The following TOMM20L variants were observed in gnomAD, a reference collection of about 807,000 sequenced individuals.
TOMM20L encodes translocase of outer mitochondrial membrane 20 like, also known as TOMM20-like protein 1.
In TOMM20L, 19 loss-of-function variants were observed where a neutral mutation model predicts 20.4. That is an observed-to-expected ratio of 0.93 (90% CI 0.65 to 1.36). TOMM20L has a LOEUF of 1.36. Among genes scored for constraint, TOMM20L ranks in the 40% most tolerant of loss-of-function variants. The pLI, the probability that TOMM20L is intolerant of heterozygous loss-of-function variation, is 0.00. For synonymous variants in TOMM20L, 75 were observed against 79.6 expected (o/e 0.94, Z 0.30); for missense variants, 218 against 203.7 (o/e 1.07, Z -0.43).
chr14:58,398,867 A>G (rs2035957439), intron 2 of TOMM20L: 1 of 151,990 alleles, frequency 6.6e-6, no homozygotes, highest in African/African-American at 2.4e-5. Flanking sequence ...GTCCTTTCAT[A>G]TAATTGTCAC....
chr14:58,405,619 C>A (rs1378736434), intron 3 of TOMM20L, among the ~76,000 whole-genome samples: 1 of 152,174 alleles, frequency 6.6e-6, no homozygotes, highest in African/African-American at 2.4e-5. Context: ...ATTCTCGTGT[C>A]TCAGCCTCCC....
chr14:58,396,117 G>A, intron 1 of TOMM20L, 24 bp downstream of exon 1: 1 of 1,298,754 alleles, frequency 7.7e-7, no homozygotes, highest in Non-Finnish European at 9.8e-7. Flanking sequence ...AGGCGGAGGC[G>A]CGGCCGGGCC....
At chr14:58,409,542 C>T (rs1207158940), downstream of TOMM20L, among the ~76,000 whole-genome samples, 1 of 152,034 alleles carries the variant, frequency 6.6e-6, no homozygotes, top group Non-Finnish European at 1.5e-5. Flanking sequence ...AAACAACATT[C>T]TTAATTCTCA....
At chr14:58,403,634 T>G (rs562902975) in intron 3 of TOMM20L, among the ~76,000 whole-genome samples, 4 of 151,928 alleles carry the variant, frequency 2.6e-5, no homozygotes, top group African/African-American at 7.2e-5. Context: ...GTCAGGAGAT[T>G]GAGACCATCC....
At chr14:58,410,495 C>T (rs186673242), downstream of TOMM20L, among the ~76,000 whole-genome samples, 57 of 152,240 alleles carry the variant, frequency 3.7e-4, no homozygotes, top group Non-Finnish European at 5.9e-4. Context: ...TTTTCCAAAG[C>T]CAACCAGAAT....
intron 3 of TOMM20L, among the ~76,000 whole-genome samples, chr14:58,405,228 A>C (rs1221092585): frequency 2.6e-5 from 4 of 152,172 alleles, no homozygotes; most frequent in Non-Finnish European, 4.4e-5. Context: ...TTGGCCTCCC[A>C]AAGTGCTGGG....
At chr14:58,405,431 T>C (rs2140304836) in intron 3 of TOMM20L, among the ~76,000 whole-genome samples, 1 of 152,386 alleles carries the variant, frequency 6.6e-6, no homozygotes, top group South Asian at 2.1e-4. Flanking sequence ...AGAGCTATGA[T>C]GTAATAGTTT....
chr14:58,396,411 C>G, intron 2 of TOMM20L, 70 bp downstream of exon 2: 1 of 1,571,914 alleles, frequency 6.4e-7, no homozygotes, highest in Middle Eastern at 2.1e-4. Flanking sequence ...TGCTTGGCTC[C>G]TGGCGGGCTC....
chr14:58,396,331 A>G lies in TOMM20L; in HGVS notation c.170A>G (p.Gln57Arg). The G allele has an allele frequency of 6.2e-7, 1 of 1,608,788 alleles. No individual in the cohort carries two copies. The highest frequency in any genetic ancestry group is 1.1e-5 in the South Asian group (1 of 91,032). Residue 57 changes from glutamine to arginine, a missense_variant, in exon 2 of 5, where the codon CAG becomes CGG. Transcript: ENST00000360945. Reference protein sequence around the residue: ...RRAEPQKAEEQGTQLWDPTKN... With the variant: ...RRAEPQKAEERGTQLWDPTKN... ...GCAGAGCCTCAAAAGGCTGAGGAGC[A>G]GGGCACGCAGGTGCAGTGCTTTCGA...
chr14:58,411,865 AT>A, downstream of TOMM20L: 2 of 1,599,016 alleles, frequency 1.3e-6, no homozygotes, highest in South Asian at 1.1e-5. Context: ...AGCACCTTAC[AT>A]TTTTTTGCAA....
At chr14:58,404,472 C>G (rs963762452) in intron 3 of TOMM20L, among the ~76,000 whole-genome samples, 16 of 151,536 alleles carry the variant, frequency 1.1e-4, no homozygotes, top group Non-Finnish European at 1.9e-4. Context: ...TATCACAGTG[C>G]CTGTACCTGT....
Position 58,408,525 on chromosome 14 carries a change from C to T in TOMM20L, c.406-4C>T. The T allele has an allele frequency of 6.2e-7, 1 of 1,613,282 alleles. No individual in the cohort carries two copies. Among genetic ancestry groups the T allele is most frequent in the Non-Finnish European group, 8.5e-7 (1 of 1,179,636 alleles). ...AGCAAGTAACTATTTTATGTATTCA[C>T]CAGCAATTTGAGGCAGACATGAATG... On this transcript the variant is annotated splice_polypyrimidine_tract_variant and splice_region_variant and intron_variant, in intron 4 of 4. Coordinates refer to ENST00000360945, the MANE Select transcript of TOMM20L (RefSeq NM_207377.3).
At chr14:58,407,074 C>A (rs931917853) in intron 3 of TOMM20L, among the ~76,000 whole-genome samples, 14 of 152,134 alleles carry the variant, frequency 9.2e-5, no homozygotes, top group African/African-American at 2.9e-4. Context: ...CGAGCATTTC[C>A]AATGCAAGAG....
downstream of TOMM20L, chr14:58,408,980 C>T: frequency 6.3e-7 from 1 of 1,584,774 alleles, no homozygotes; most frequent in Non-Finnish European, 8.5e-7. Context: ...TCCTCATTTC[C>T]AATAAAGCAG....
At position 58,402,289 on chromosome 14, in the gene TOMM20L, T is replaced by C. The variant is rs559214800; in HGVS notation, c.181-391T>C. 1.2e-3 allele frequency among the ~76,000 whole-genome samples: 177 copies of C among 152,074 alleles called. 1 individual carries two copies. Among genetic ancestry groups the C allele is most frequent in the Non-Finnish European group, 2.1e-3 (142 of 67,972 alleles). On this transcript the variant is annotated intron_variant, in intron 2 of 4. Transcript: ENST00000360945. ...TAGGTTCAAGATGTCCTTTTTTTTT[T>C]CCTTTCTTTCTTTTTTGTGATGGAG...
At chr14:58,399,834 A>G (rs1224740453) in intron 2 of TOMM20L, among the ~76,000 whole-genome samples, 1 of 139,796 alleles carries the variant, frequency 7.2e-6, no homozygotes, top group Non-Finnish European at 1.5e-5. Flanking sequence ...TTAAATATCA[A>G]CTTCATCCAT....
Position 58,395,968 on chromosome 14 carries a change from T to TCCGCTCCCTCCTCCGC in TOMM20L, c.13_28dup (p.Leu10ProfsTer51), listed in dbSNP as rs1389789262. 2.1e-6 allele frequency: 3 copies of TCCGCTCCCTCCTCCGC among 1,444,300 alleles called. No homozygotes were observed. In the African/African-American group the frequency reaches 4.4e-5, roughly 21 times the overall value. The allele number at this position is 1,444,300 out of a possible 1,614,324, so 89.5% of individuals were successfully genotyped here. On this transcript the variant is annotated frameshift_variant, in exon 1 of 5. Transcript: ENST00000360945. LOFTEE classifies it high-confidence loss of function. ...GACGCCCGCGGTCGGATGCCCTCCGTCCGCTCCCTCCTCCGCCTCTTGGCC... is the reference window on the plus strand; with the variant it reads ...GACGCCCGCGGTCGGATGCCCTCCGTCCGCTCCCTCCTCCGCCCGCTCCCTCCTCCGCCTCTTGGCC...
chr14:58,409,902 G>A (rs992940808), downstream of TOMM20L, among the ~76,000 whole-genome samples: 1 of 151,930 alleles, frequency 6.6e-6, no homozygotes, highest in African/African-American at 2.4e-5. Context: ...TTTGAGACAG[G>A]TTCTCTCTCT....
At chr14:58,399,433 T>C (rs913185568) in intron 2 of TOMM20L, among the ~76,000 whole-genome samples, 3 of 152,116 alleles carry the variant, frequency 2.0e-5, no homozygotes, top group Non-Finnish European at 2.9e-5. Flanking sequence ...AAGAATCACC[T>C]GAAGAGTTTG....
Sources: allele counts gnomAD v4.1 joint callset (sites outside exome capture counted in the v4.1 genomes callset), GRCh38; gene constraint gnomAD v4.1.1; transcripts MANE v1.5; gene names NCBI Gene and HGNC (gene_info 2026-07-23, HGNC 2026-07-21).